PTPRZ1: variants seen among roughly 807,000 people sequenced by gnomAD.
PTPRZ1 encodes protein tyrosine phosphatase receptor type Z1, also known as receptor-type tyrosine-protein phosphatase zeta.
PTPRZ1 carries 82 observed loss-of-function variants against 214.1 expected under a neutral mutation model. That is an observed-to-expected ratio of 0.38 (90% CI 0.32 to 0.46). PTPRZ1 has a LOEUF of 0.46. Ranked by LOEUF, PTPRZ1 falls within the 20% of genes least tolerant of loss-of-function variation. PTPRZ1 has a pLI of 1.00. For missense variants in PTPRZ1, 2,603 were observed against 2,748.7 expected (o/e 0.95, Z 1.19); for synonymous variants, 945 against 987.9 (o/e 0.96, Z 0.81).
intron 22 of PTPRZ1, among the ~76,000 whole-genome samples, chr7:122,043,031 C>G (rs2150480713): frequency 6.6e-6 from 1 of 152,346 alleles, no homozygotes; most frequent in African/African-American, 2.4e-5. Context: ...CCCTCTGTGT[C>G]TGTGTCTGTA....
Position 121,892,679 on chromosome 7 carries a change from C to CATATATATATATAT in PTPRZ1, c.58+19153_58+19166dup, listed in dbSNP as rs58030102. 1.1e-3 allele frequency among the ~76,000 whole-genome samples: 107 copies of CATATATATATATAT among 98,144 alleles called. 2 individuals carry two copies. Among genetic ancestry groups the CATATATATATATAT allele is most frequent in the East Asian group, 1.7e-3 (6 of 3,480 alleles). The allele number at this position is 98,144 out of a possible 152,430, so 64.4% of individuals were successfully genotyped here. A position where few individuals can be genotyped will look rare whatever the true frequency, so the allele number is the denominator to read the frequency against. On this transcript the variant is annotated intron_variant, in intron 1 of 29. Transcript: ENST00000393386. ...ATATCTTAGAGTTCTTCAAGCATCT[C>CATATATATATATAT]ATATATATATATATATATATATATA...
chr7:122,026,117 T>C (rs1799200709), intron 13 of PTPRZ1, among the ~76,000 whole-genome samples: 1 of 152,134 alleles, frequency 6.6e-6, no homozygotes, highest in African/African-American at 2.4e-5. Context: ...CATTTGTAAA[T>C]ACTTAGAAGG....
intron 26 of PTPRZ1, 24 bp from the exon 27 acceptor site, chr7:122,054,917 C>T: frequency 6.4e-7 from 1 of 1,572,870 alleles, no homozygotes; most frequent in Non-Finnish European, 8.6e-7. Flanking sequence ...AATCTAGACT[C>T]TTCTTTCATT....
At chr7:121,972,432 T>G (rs1584697748) in intron 3 of PTPRZ1, 109 bp from the exon 4 acceptor site, 2 of 1,157,422 alleles carry the variant, frequency 1.7e-6, no homozygotes, top group East Asian at 2.6e-5. Flanking sequence ...TTTTGTAAAT[T>G]TATCAAATAA....
At chr7:121,910,371 C>G (rs1415560030) in intron 1 of PTPRZ1, among the ~76,000 whole-genome samples, 5 of 152,096 alleles carry the variant, frequency 3.3e-5, no homozygotes, top group Admixed American at 3.3e-4. Flanking sequence ...ATGATTAAGT[C>G]ATTTATTATG....
At chr7:122,028,750 G>A in intron 14 of PTPRZ1, 107 bp downstream of exon 14, 1 of 811,278 alleles carries the variant, frequency 1.2e-6, no homozygotes, top group Non-Finnish European at 2.0e-6. Flanking sequence ...CTATAATGTA[G>A]ATTAGTAAAT....
chr7:121,951,966 T>A lies in PTPRZ1; in HGVS notation c.125-15985T>A, dbSNP rs1298736538. Among the ~76,000 whole-genome samples the A allele has an allele frequency of 9.5e-4, 138 of 144,566 alleles. 1 individual carries two copies. The highest frequency in any genetic ancestry group is 3.0e-3 in the African/African-American group (116 of 38,656). 94.8% of individuals were successfully genotyped at this position (144,566 alleles called of 152,430 possible). A position where few individuals can be genotyped will look rare whatever the true frequency, so the allele number is the denominator to read the frequency against. ...ATGCGAGTGTATTTATTTATTTATT[T>A]TTTTTTTTTTGAGACGGAGTCTCGC... On this transcript the variant is annotated intron_variant, in intron 2 of 29. Transcript: ENST00000393386.
intron 23 of PTPRZ1, among the ~76,000 whole-genome samples, chr7:122,050,899 G>A (rs1792159211): frequency 6.6e-6 from 1 of 152,088 alleles, no homozygotes. Context: ...TCACACATGT[G>A]CACATTAAGA....
chr7:121,988,776 C>A (rs1797847428), intron 8 of PTPRZ1, among the ~76,000 whole-genome samples: 1 of 152,162 alleles, frequency 6.6e-6, no homozygotes, highest in Non-Finnish European at 1.5e-5. Context: ...TTATTGGCAA[C>A]AAACACAGAA....
intron 1 of PTPRZ1, among the ~76,000 whole-genome samples, chr7:121,909,429 A>G (rs1219329249): frequency 6.6e-6 from 1 of 152,142 alleles, no homozygotes; most frequent in Non-Finnish European, 1.5e-5. Flanking sequence ...TGGAAATTCT[A>G]TATTACTTAT....
chr7:122,031,648 A>G (rs2116725532), intron 15 of PTPRZ1, 89 bp downstream of exon 15: 2 of 878,122 alleles, frequency 2.3e-6, no homozygotes, highest in Non-Finnish European at 3.5e-6. Flanking sequence ...ACCTAAAGAC[A>G]GTGCAACCAT....
intron 2 of PTPRZ1, among the ~76,000 whole-genome samples, chr7:121,958,645 T>C (rs987578847): frequency 6.6e-6 from 1 of 152,124 alleles, no homozygotes; most frequent in Non-Finnish European, 1.5e-5. Context: ...AGTCTGCAGG[T>C]TCAAAACGAA....
At chr7:122,021,166 C>T (rs553790179) in intron 13 of PTPRZ1, among the ~76,000 whole-genome samples, 101 of 152,070 alleles carry the variant, frequency 6.6e-4, no homozygotes, top group African/African-American at 2.0e-3. Flanking sequence ...GATTGAAATT[C>T]GTTTCTTAAT....
At chr7:121,972,764 G>C in intron 4 of PTPRZ1, 72 bp downstream of exon 4, 1 of 1,195,300 alleles carries the variant, frequency 8.4e-7, no homozygotes, top group Non-Finnish European at 1.1e-6. Context: ...CATATAATTT[G>C]ATTAATTTTA....
intron 2 of PTPRZ1, among the ~76,000 whole-genome samples, chr7:121,965,645 A>G (rs1029007223): frequency 2.0e-5 from 3 of 151,938 alleles, no homozygotes; most frequent in Non-Finnish European, 2.9e-5. Flanking sequence ...CAAGGAAGCG[A>G]CTCTCTCTTC....
chr7:122,054,819 T>C, intron 26 of PTPRZ1, 122 bp from the exon 27 acceptor site: 5 of 974,360 alleles, frequency 5.1e-6, no homozygotes, highest in Non-Finnish European at 5.9e-6. Context: ...AGAGTAAATA[T>C]TCAGATTCAA....
At chr7:121,987,323 C>T (rs979413239) in intron 8 of PTPRZ1, among the ~76,000 whole-genome samples, 1 of 152,110 alleles carries the variant, frequency 6.6e-6, no homozygotes, top group Admixed American at 6.5e-5. Context: ...AGCTTTGTCC[C>T]AGGTCCTTCA....
intron 27 of PTPRZ1, among the ~76,000 whole-genome samples, chr7:122,056,992 A>G (rs1050789251): frequency 6.6e-6 from 1 of 151,954 alleles, no homozygotes; most frequent in Non-Finnish European, 1.5e-5. Context: ...TTAGCATTCC[A>G]GATAATACAT....
chr7:121,952,427 AT>A (rs1029235708), intron 2 of PTPRZ1, among the ~76,000 whole-genome samples: 18 of 152,028 alleles, frequency 1.2e-4, no homozygotes, highest in Non-Finnish European at 2.5e-4. Flanking sequence ...CTACAAAAGA[AT>A]TTTAAAAATT....
Sources: gnomAD v4.1 joint callset for allele counts (sites outside exome capture counted in the v4.1 genomes callset) on GRCh38, gnomAD v4.1.1 for gene constraint, MANE v1.5 for transcripts, NCBI Gene and HGNC (gene_info 2026-07-23, HGNC 2026-07-21) for gene names.